The following ADGRD1 variants were observed in gnomAD, a reference collection of about 807,000 sequenced individuals.
ADGRD1 encodes G-protein coupled receptor 133.
A neutral mutation model predicts 113.4 loss-of-function variants in ADGRD1; 77 were observed. The observed-to-expected ratio is 0.68, with a 90% CI of 0.57 to 0.82. The LOEUF is 0.82. Among genes scored for constraint, ADGRD1 ranks in the 40% least tolerant of loss-of-function variants. ADGRD1 has a pLI of 0.00. For missense variants in ADGRD1, 1,036 were observed against 1,139.1 expected, an observed-to-expected ratio of 0.91 and a Z score of 1.30; for synonymous variants, 474 against 475.0, an observed-to-expected ratio of 1.00 and a Z score of 0.03.
chr12:131,017,326 TGCACA>T, intron 13 of ADGRD1, among the ~76,000 whole-genome samples: 6 of 116,500 alleles, frequency 5.2e-5, no homozygotes, highest in Admixed American at 9.0e-5. Flanking sequence ...ACACACCCAG[TGCACA>T]CAGTCCACAC....
rs531178565 is a variant in ADGRD1 at position 130,973,891 on chromosome 12, C to T, written c.310+2311C>T. Among the ~76,000 whole-genome samples the T allele has an allele frequency of 3.3e-5, 5 of 152,210 alleles. No homozygotes were observed. The East Asian group carries it at 9.7e-4, about 29-fold the overall frequency. ...TTGCATGAGCCCAGGAGTTCGAGAC[C>T]AGCCTCGGCAACACAGTGAGATCTT... On this transcript the variant is annotated intron_variant, in intron 4 of 24. Coordinates refer to ENST00000261654, the MANE Select transcript of ADGRD1 (RefSeq NM_198827.5).
At position 131,118,426 on chromosome 12, in the gene ADGRD1, A is replaced by G. The variant is rs749141449; in HGVS notation, c.2083A>G (p.Met695Val). ...LICIISLSFA[M>V]DSYGTSNNCW... The stretch of plus-strand genomic sequence containing the variant: ...CTGCATCATTTCACTGTCATTTGCC[A>G]TGGACAGTTACGGAACAAGCAACAA... The change falls in exon 19 of 25, where the codon ATG becomes GTG. Residue 695 changes from methionine to valine, a missense_variant. Physicochemically the swap from Met to Val is conservative, Grantham distance 21. Transcript: ENST00000261654. 1.3e-5 allele frequency: 21 copies of G among 1,612,016 alleles called. No individual in the cohort carries two copies. The highest frequency in any genetic ancestry group is 2.7e-5 in the African/African-American group (2 of 74,854).
Position 131,044,603 on chromosome 12 carries a change from T to C in ADGRD1, c.1473+30263T>C, listed in dbSNP as rs569038343. ...ATTCCAAATGCTGGCAGTGTCCTTTTCACCACGATTCCCAGGCCTGGTTTA... is the reference window on the plus strand; with the variant it reads ...ATTCCAAATGCTGGCAGTGTCCTTTCCACCACGATTCCCAGGCCTGGTTTA... On this transcript the variant is annotated intron_variant, in intron 13 of 24. Transcript: ENST00000261654. Among the ~76,000 whole-genome samples the C allele has an allele frequency of 2.6e-4, 40 of 152,358 alleles. No homozygotes were observed. The South Asian group carries it at 6.6e-3, about 25-fold the overall frequency.
chr12:131,057,676 A>G lies in ADGRD1; in HGVS notation c.1474-19125A>G, dbSNP rs1403623414. 6.6e-6 allele frequency among the ~76,000 whole-genome samples: 1 copy of G among 152,186 alleles called. No individual in the cohort carries two copies. The highest frequency in any genetic ancestry group is 2.4e-5 in the African/African-American group (1 of 41,440). On this transcript the variant is annotated intron_variant, in intron 13 of 24. Coordinates refer to ENST00000261654, the MANE Select transcript of ADGRD1 (RefSeq NM_198827.5). This position sits in a 1 kb window ranked among gnomAD's most constrained non-coding sequence, Gnocchi z 4.2. ...CAGATGGGACTGAGGGCTCGTCCCC[A>G]TCTAGCACAGTCTCATCTTCAACGT...
chr12:131,104,303 C>T (rs1318750430), intron 15 of ADGRD1, among the ~76,000 whole-genome samples: 3 of 151,950 alleles, frequency 2.0e-5, no homozygotes, highest in Admixed American at 1.3e-4. Flanking sequence ...GGCCTCAGGC[C>T]GGGGCGGTAA....
At chr12:131,104,781 C>T (rs748071891) in intron 15 of ADGRD1, 50 bp from the exon 16 acceptor site, 54 of 1,350,384 alleles carry the variant, frequency 4.0e-5, no homozygotes, top group Admixed American at 8.0e-5. Context: ...CTTCAGGCTC[C>T]GATGGGGTGC....
intron 13 of ADGRD1, among the ~76,000 whole-genome samples, chr12:131,047,417 G>A (rs1308181037): frequency 2.0e-5 from 3 of 152,200 alleles, no homozygotes; most frequent in African/African-American, 7.2e-5. Context: ...GAGCATTCCA[G>A]GAGCAGGCAG....
chr12:130,972,666 G>A (rs149865451), intron 4 of ADGRD1, among the ~76,000 whole-genome samples: 62 of 151,942 alleles, frequency 4.1e-4, no homozygotes, highest in African/African-American at 1.4e-3. Flanking sequence ...TGGCAGGGGC[G>A]AGGAGGACGG....
intron 15 of ADGRD1, among the ~76,000 whole-genome samples, chr12:131,103,238 G>T (rs1052360548): frequency 2.0e-5 from 3 of 152,242 alleles, no homozygotes; most frequent in African/African-American, 7.2e-5. Flanking sequence ...AGCACAAAAG[G>T]GCCCCTCCAG....
At chr12:131,122,207 C>G (rs1211609) in intron 20 of ADGRD1, among the ~76,000 whole-genome samples, 110,781 of 152,002 alleles carry the variant, frequency 0.73, 41,579 homozygotes, top group Non-Finnish European at 0.82. Context: ...AGGGGTGTTG[C>G]GCGGGGCGCC....
At chr12:131,035,606 C>T (rs961712213) in intron 13 of ADGRD1, 11 of 146,214 alleles carry the variant, frequency 7.5e-5, no homozygotes, top group African/African-American at 2.7e-4. Context: ...CACAGCTTCT[C>T]TGTGCTTAAC....
At chr12:131,090,366 C>T (rs1203810512) in intron 15 of ADGRD1, among the ~76,000 whole-genome samples, 1 of 129,066 alleles carries the variant, frequency 7.7e-6, no homozygotes, top group Non-Finnish European at 1.8e-5. Flanking sequence ...TTCCACGGGG[C>T]CCTGGGCTCG....
Position 131,004,056 on chromosome 12 carries a change from A to C in ADGRD1, c.1145-130A>C, listed in dbSNP as rs145517586. 378 of 542,846 alleles carry C rather than the reference A, an allele frequency of 7.0e-4. 1 individual carries two copies. The African/African-American group carries it at 7.4e-3, about 11-fold the overall frequency. 33.6% of individuals were successfully genotyped at this position (542,846 alleles called of 1,614,324 possible). On this transcript the variant is annotated intron_variant, in intron 10 of 24. Transcript: ENST00000261654. ...TTTTTTTTTTGAGGCCATGCTTTCT[A>C]AAGGTAATTATACTTCCCGTGGGGA...
rs140667513 is a variant in ADGRD1 at position 131,105,817 on chromosome 12, G to A, written c.1839G>A (p.Leu613=). 1.5e-4 allele frequency: 240 copies of A among 1,600,802 alleles called. No individual in the cohort carries two copies. The highest frequency in any genetic ancestry group is 1.8e-4 in the Non-Finnish European group (213 of 1,179,936). Residue 613 remains leucine (L), a synonymous_variant, in exon 17 of 25, where the codon CTG becomes CTA. Coordinates refer to ENST00000261654, the MANE Select transcript of ADGRD1 (RefSeq NM_198827.5). ...ACGCCAACCTGTCCTTCGCCGTGCTGGTGGCCCAGGTCCTGCTGCTCATTA... is the reference window on the plus strand; with the variant it reads ...ACGCCAACCTGTCCTTCGCCGTGCTAGTGGCCCAGGTCCTGCTGCTCATTA... The part of the protein sequence containing the change: ...HIHANLSFAV[L]VAQVLLLISF...
chr12:130,977,365 G>A (rs749921418), intron 4 of ADGRD1: 1 of 152,352 alleles, frequency 6.6e-6, no homozygotes, highest in Non-Finnish European at 1.5e-5. Context: ...AGCGATTAGA[G>A]TGGGGCTTTG....
chr12:130,996,426 C>T (rs1307776716), intron 8 of ADGRD1, among the ~76,000 whole-genome samples: 1 of 104,304 alleles, frequency 9.6e-6, no homozygotes, highest in African/African-American at 3.5e-5. Context: ...ACCTCCCTCC[C>T]GGACGGGGCG....
intron 20 of ADGRD1, among the ~76,000 whole-genome samples, chr12:131,123,400 G>T (rs1015708679): frequency 6.6e-6 from 1 of 152,064 alleles, no homozygotes; most frequent in Non-Finnish European, 1.5e-5. Context: ...GTTTCGGCTT[G>T]TTGGCCTTTA....
intron 20 of ADGRD1, among the ~76,000 whole-genome samples, chr12:131,123,263 T>A (rs1950649069): frequency 6.6e-6 from 1 of 151,412 alleles, no homozygotes; most frequent in Non-Finnish European, 1.5e-5. Flanking sequence ...CAGGCTGGTC[T>A]CTAACTCCTG....
chr12:130,955,123 C>CTTTTTTTTTTTTTTTTTTTTTTTTTT lies in ADGRD1; in HGVS notation c.103+476_103+477insTTTTTTTTTTTTTTTTTTTTTTTTTT, dbSNP rs71451389. Reference sequence around the variant, plus strand: ...CACAGGTGTGCACCACTACACCCAGCTTTTTTTTTTTTTGTATTTTTAGTA... The same window carrying CTTTTTTTTTTTTTTTTTTTTTTTTTT: ...CACAGGTGTGCACCACTACACCCAGCTTTTTTTTTTTTTTTTTTTTTTTTTTTTTTTTTTTTTTTGTATTTTTAGTA... On this transcript the variant is annotated intron_variant, in intron 2 of 24. Coordinates refer to ENST00000261654, the MANE Select transcript of ADGRD1 (RefSeq NM_198827.5). 2.1e-3 allele frequency among the ~76,000 whole-genome samples: 206 copies of CTTTTTTTTTTTTTTTTTTTTTTTTTT among 99,630 alleles called. 11 individuals carry two copies. Among genetic ancestry groups the CTTTTTTTTTTTTTTTTTTTTTTTTTT allele is most frequent in the Non-Finnish European group, 2.9e-3 (149 of 51,554 alleles). 65.4% of individuals were successfully genotyped at this position (99,630 alleles called of 152,430 possible). A position where few individuals can be genotyped will look rare whatever the true frequency, so the allele number is the denominator to read the frequency against.
Sources: gnomAD v4.1 joint callset for allele counts (sites outside exome capture counted in the v4.1 genomes callset) on GRCh38, gnomAD v4.1.1 for gene constraint, Gnocchi (gnomAD v3.1) non-coding constraint, MANE v1.5 for transcripts, NCBI Gene and HGNC (gene_info 2026-07-23, HGNC 2026-07-21) for gene names.